Variants in ANKRD44 observed in about 807,000 individuals in gnomAD.
ANKRD44 encodes the protein serine/threonine-protein phosphatase 6 regulatory ankyrin repeat subunit B.
ANKRD44 carries 35 observed loss-of-function variants against 116.0 expected under a neutral mutation model. The observed-to-expected ratio is 0.30, with a 90% CI of 0.23 to 0.40. ANKRD44 has a LOEUF of 0.40. ANKRD44 is among the 10% of genes least tolerant of loss of function. The pLI is 1.00. For synonymous variants in ANKRD44, 435 were observed against 461.8 expected (o/e 0.94, Z 0.74); for missense variants, 1,014 against 1,242.6 (o/e 0.82, Z 2.77).
rs142864783 is a variant in ANKRD44 at position 197,235,244 on chromosome 2, G to C, written c.28-48138C>G. Among the ~76,000 whole-genome samples the C allele has an allele frequency of 2.6e-5, 4 of 152,316 alleles. No individual in the cohort carries two copies. In the East Asian group the frequency reaches 7.7e-4, roughly 29 times the overall value. ...GATATTGCTAGAGTCTTCTAAAAGA[G>C]CAAAACTATTTTCACTTGAAATTTC... On this transcript the variant is annotated intron_variant, in intron 1 of 27. Coordinates refer to ENST00000282272, the MANE Select transcript of ANKRD44 (RefSeq NM_001195144.2).
chr2:197,274,919 C>T (rs2083028967), intron 1 of ANKRD44, among the ~76,000 whole-genome samples: 1 of 151,954 alleles, frequency 6.6e-6, no homozygotes, highest in Non-Finnish European at 1.5e-5. Context: ...TATAGAGAAA[C>T]CCCATCTCTA....
chr2:197,187,773 A>C (rs2080721297), intron 1 of ANKRD44, among the ~76,000 whole-genome samples: 1 of 152,110 alleles, frequency 6.6e-6, no homozygotes, highest in African/African-American at 2.4e-5. Context: ...TAAGCCAGGA[A>C]GAGAGGCCTC....
At chr2:197,251,772 T>A (rs2082322880) in intron 1 of ANKRD44, among the ~76,000 whole-genome samples, 2 of 152,270 alleles carry the variant, frequency 1.3e-5, no homozygotes, top group Admixed American at 1.3e-4. Context: ...CTGGTTCGTC[T>A]AGACTTACAC....
At chr2:197,030,126 A>C (rs1365108613) in intron 16 of ANKRD44, 1 of 153,514 alleles carries the variant, frequency 6.5e-6, no homozygotes, top group Non-Finnish European at 1.5e-5. Context: ...GCATGTGTTC[A>C]TCCACTGATT....
intron 16 of ANKRD44, among the ~76,000 whole-genome samples, chr2:197,045,633 T>G (rs905143793): frequency 3.9e-5 from 6 of 152,202 alleles, no homozygotes; most frequent in Non-Finnish European, 8.8e-5. Flanking sequence ...AAAGACAGGC[T>G]TGGAATCTCA....
chr2:197,121,237 A>G (rs2078846359), intron 8 of ANKRD44, 95 bp downstream of exon 8: 4 of 1,234,094 alleles, frequency 3.2e-6, no homozygotes, highest in Non-Finnish European at 4.7e-6. Context: ...TGAGGTTCCA[A>G]CTCACTAAAA....
intron 21 of ANKRD44, among the ~76,000 whole-genome samples, chr2:196,979,212 C>T (rs571821073): frequency 2.0e-5 from 3 of 151,722 alleles, no homozygotes; most frequent in Non-Finnish European, 4.4e-5. Flanking sequence ...CTGGCTAACA[C>T]GGTGAAACCC....
intron 2 of ANKRD44, among the ~76,000 whole-genome samples, chr2:197,151,875 A>G (rs1466650194): frequency 1.3e-5 from 2 of 152,214 alleles, no homozygotes; most frequent in East Asian, 3.8e-4. Context: ...AGACAAAAAT[A>G]TCTTGGTGAA....
chr2:197,236,347 A>G (rs528760589), intron 1 of ANKRD44, among the ~76,000 whole-genome samples: 1 of 152,268 alleles, frequency 6.6e-6, no homozygotes, highest in South Asian at 2.1e-4. Context: ...CAAGTATCTG[A>G]ACCACCCACT....
chr2:197,099,083 G>A (rs1207609878), intron 10 of ANKRD44, among the ~76,000 whole-genome samples: 1 of 151,982 alleles, frequency 6.6e-6, no homozygotes, highest in Non-Finnish European at 1.5e-5. Flanking sequence ...AGCCCCTAAA[G>A]CCTAGCTAAA....
rs541085028 is a variant in ANKRD44 at position 197,162,051 on chromosome 2, G to A, written c.112-14946C>T. On this transcript the variant is annotated intron_variant, in intron 2 of 27. Transcript: ENST00000282272. ...TTTCCACCAGCCCCTAGTCACTGGCGTGCTTCATACTCAGTCTTGAAATCC... is the reference window on the plus strand; with the variant it reads ...TTTCCACCAGCCCCTAGTCACTGGCATGCTTCATACTCAGTCTTGAAATCC... Among the ~76,000 whole-genome samples the A allele has an allele frequency of 4.6e-4, 70 of 152,186 alleles. 1 individual carries two copies. In the South Asian group the frequency reaches 0.011, roughly 24 times the overall value.
At chr2:197,240,001 C>A (rs1267735649) in intron 1 of ANKRD44, among the ~76,000 whole-genome samples, 1 of 151,990 alleles carries the variant, frequency 6.6e-6, no homozygotes, top group African/African-American at 2.4e-5. Context: ...CATTTTTGGT[C>A]ATATAATTTC....
At chr2:196,967,292 G>T (rs140191151) in exon 22 of ANKRD44, 1 of 344,180 alleles carries the variant, frequency 2.9e-6, no homozygotes. Context: ...AGGCGAATCC[G>T]GTTACTCCCT....
chr2:197,264,191 T>G (rs999660625), intron 1 of ANKRD44, among the ~76,000 whole-genome samples: 1 of 152,208 alleles, frequency 6.6e-6, no homozygotes, highest in Non-Finnish European at 1.5e-5. Context: ...GCAACTATCT[T>G]AGCTGAAAGA....
intron 10 of ANKRD44, among the ~76,000 whole-genome samples, chr2:197,095,256 A>G (rs1260188011): frequency 2.6e-5 from 4 of 152,168 alleles, no homozygotes; most frequent in African/African-American, 9.7e-5. Flanking sequence ...TTCAGTGTCC[A>G]TGTTTGTACT....
intron 8 of ANKRD44, among the ~76,000 whole-genome samples, chr2:197,113,266 T>G (rs1387267034): frequency 6.6e-6 from 1 of 152,168 alleles, no homozygotes; most frequent in Non-Finnish European, 1.5e-5. Flanking sequence ...CTGCACACAG[T>G]TCCAAGGACT....
rs183306010 is a variant in ANKRD44, at chr2:197,202,739, A to C, written c.28-15633T>G. On this transcript the variant is annotated intron_variant, in intron 1 of 27. Coordinates refer to ENST00000282272, the MANE Select transcript of ANKRD44 (RefSeq NM_001195144.2). The stretch of plus-strand genomic sequence containing the variant: ...CAGGTGTGCACCACCACACCCAGCT[A>C]ATTTTTCTAAAAAATTTTTGTAGAG... 4.8e-4 allele frequency among the ~76,000 whole-genome samples: 73 copies of C among 152,120 alleles called. 2 individuals are homozygous for C. The highest frequency in any genetic ancestry group is 3.9e-3 in the Admixed American group (60 of 15,282).
intron 1 of ANKRD44, among the ~76,000 whole-genome samples, chr2:197,218,652 G>T (rs758461997): frequency 1.3e-5 from 2 of 151,762 alleles, no homozygotes; most frequent in African/African-American, 2.4e-5. Flanking sequence ...TTTAAGAAAG[G>T]GATGGTGAGA....
chr2:197,213,782 AC>A (rs1469701963), intron 1 of ANKRD44, among the ~76,000 whole-genome samples: 2 of 152,214 alleles, frequency 1.3e-5, no homozygotes, highest in Non-Finnish European at 2.9e-5. Context: ...CAATTCTCAC[AC>A]TTTTAATGAT....
Sources: gnomAD v4.1 joint callset for allele counts (sites outside exome capture counted in the v4.1 genomes callset) on GRCh38, gnomAD v4.1.1 for gene constraint, MANE v1.5 for transcripts, NCBI Gene and HGNC (gene_info 2026-07-23, HGNC 2026-07-21) for gene names.